BMP6: variants seen among roughly 807,000 people sequenced by gnomAD.
BMP6 encodes the protein bone morphogenetic protein 6, also known as VG-1-R.
A neutral mutation model predicts 54.1 loss-of-function variants in BMP6; 17 were observed. The ratio of observed to expected loss-of-function variants is 0.31; its 90% CI spans 0.22 to 0.47. BMP6 has a LOEUF of 0.47. Ranked by LOEUF, BMP6 falls within the 20% of genes least tolerant of loss-of-function variation. BMP6 has a pLI of 1.00. For missense variants in BMP6, 720 were observed against 690.4 expected, an observed-to-expected ratio of 1.04 and a Z score of -0.48; for synonymous variants, 328 against 291.2, an observed-to-expected ratio of 1.13 and a Z score of -1.28.
chr6:7,766,080 G>T (rs952019927), intron 1 of BMP6, among the ~76,000 whole-genome samples: 3 of 152,140 alleles, frequency 2.0e-5, no homozygotes, highest in Non-Finnish European at 4.4e-5. Flanking sequence ...TTTTTGAGCG[G>T]CAGGGAAATG....
chr6:7,728,159 G>A (rs192926731), intron 1 of BMP6, among the ~76,000 whole-genome samples: 1 of 151,942 alleles, frequency 6.6e-6, no homozygotes, highest in Non-Finnish European at 1.5e-5. Flanking sequence ...AGGTATCCAC[G>A]GCACTAGGGG....
intron 1 of BMP6, among the ~76,000 whole-genome samples, chr6:7,761,323 T>G (rs1265466120): frequency 1.3e-5 from 2 of 152,230 alleles, no homozygotes; most frequent in Non-Finnish European, 2.9e-5. Context: ...ACTTGGCTGG[T>G]TATGATAGTA....
At chr6:7,744,569 A>ATT (rs765273674) in intron 1 of BMP6, among the ~76,000 whole-genome samples, 12 of 152,164 alleles carry the variant, frequency 7.9e-5, no homozygotes, top group Non-Finnish European at 1.8e-4. Context: ...TTGAGGTAAA[A>ATT]TTTCTATACA....
chr6:7,875,494 A>T (rs760649106), intron 4 of BMP6, among the ~76,000 whole-genome samples: 1 of 152,160 alleles, frequency 6.6e-6, no homozygotes, highest in East Asian at 1.9e-4. Context: ...CCTCGGCAAC[A>T]TAGCAAGTCC....
At chr6:7,778,873 G>C (rs1757899444) in intron 1 of BMP6, among the ~76,000 whole-genome samples, 1 of 152,084 alleles carries the variant, frequency 6.6e-6, no homozygotes, top group Non-Finnish European at 1.5e-5. Context: ...TTCATCATTT[G>C]ATGTTTACTC....
intron 2 of BMP6, among the ~76,000 whole-genome samples, chr6:7,848,086 C>T (rs1236998733): frequency 6.6e-6 from 1 of 152,188 alleles, no homozygotes; most frequent in South Asian, 2.1e-4. Flanking sequence ...TGCTCTTGCT[C>T]ATTCTTGTGC....
chr6:7,795,602 C>T (rs1195962124), intron 1 of BMP6, among the ~76,000 whole-genome samples: 3 of 152,092 alleles, frequency 2.0e-5, no homozygotes, highest in Middle Eastern at 3.2e-3. Flanking sequence ...TGTGACCAGA[C>T]TTGTGTTTTT....
intron 2 of BMP6, among the ~76,000 whole-genome samples, chr6:7,853,824 C>T (rs550833568): frequency 1.3e-3 from 195 of 151,918 alleles, no homozygotes; most frequent in Non-Finnish European, 1.9e-3. Context: ...ACAAGTGACC[C>T]ATGGTTCAGG....
chr6:7,849,516 A>T (rs915442911), intron 2 of BMP6, among the ~76,000 whole-genome samples: 2 of 152,232 alleles, frequency 1.3e-5, no homozygotes, highest in African/African-American at 4.8e-5. Context: ...CACCTATGGT[A>T]GCATCATGAG....
rs574335328 is a variant in BMP6 at position 7,866,696 on chromosome 6, A to G, written c.1204+4198A>G. Reference sequence around the variant, plus strand: ...TTTGTTTTGATAGATGAGTTTGGAAACATTATCTGCACTTTAATGATCCAT... The same window carrying G: ...TTTGTTTTGATAGATGAGTTTGGAAGCATTATCTGCACTTTAATGATCCAT... On this transcript the variant is annotated intron_variant, in intron 4 of 6. Transcript: ENST00000283147. Among the ~76,000 whole-genome samples the G allele has an allele frequency of 2.0e-5, 3 of 152,268 alleles. No individual in the cohort carries two copies. In the South Asian group the frequency reaches 6.2e-4, roughly 32 times the overall value.
At chr6:7,818,070 T>A (rs1204363151) in intron 1 of BMP6, among the ~76,000 whole-genome samples, 1 of 152,172 alleles carries the variant, frequency 6.6e-6, no homozygotes, top group African/African-American at 2.4e-5. Context: ...ATAGACCAAA[T>A]CCATGGCTTA....
At chr6:7,837,453 T>C (rs1482818808) in intron 1 of BMP6, among the ~76,000 whole-genome samples, 1 of 152,146 alleles carries the variant, frequency 6.6e-6, no homozygotes, top group East Asian at 1.9e-4. Context: ...GATGAAATAA[T>C]GAGAGGATTC....
chr6:7,765,337 G>A lies in BMP6; in HGVS notation c.664+37718G>A, dbSNP rs1409742227. On this transcript the variant is annotated intron_variant, in intron 1 of 6. Transcript: ENST00000283147. ...TTTGCTGCCTCAGGATTGTAGGAGG[G>A]ACAATGTAATAATGTAATAATCTAA... Among the ~76,000 whole-genome samples, 6 of 152,190 alleles carry A rather than the reference G, an allele frequency of 3.9e-5. No individual in the cohort carries two copies. The East Asian group carries it at 9.6e-4, about 24-fold the overall frequency.
intron 1 of BMP6, among the ~76,000 whole-genome samples, chr6:7,748,822 C>T (rs1162536863): frequency 2.0e-5 from 3 of 152,188 alleles, no homozygotes; most frequent in African/African-American, 7.2e-5. Flanking sequence ...TTCCATAGTC[C>T]TCTAATGCTC....
At chr6:7,872,381 C>T (rs1759542866) in intron 4 of BMP6, among the ~76,000 whole-genome samples, 1 of 151,774 alleles carries the variant, frequency 6.6e-6, no homozygotes, top group African/African-American at 2.4e-5. Flanking sequence ...TTCCAAGGAG[C>T]ATCAACCTTC....
chr6:7,861,639 A>G (rs778777956), intron 3 of BMP6, 40 bp downstream of exon 3: 1 of 1,610,586 alleles, frequency 6.2e-7, no homozygotes, highest in South Asian at 1.1e-5. Context: ...CCAGCAAGTC[A>G]TCAGTTTCAC....
intron 4 of BMP6, among the ~76,000 whole-genome samples, chr6:7,875,265 C>T (rs1237149347): frequency 1.3e-5 from 2 of 152,150 alleles, no homozygotes; most frequent in African/African-American, 4.8e-5. Context: ...TCTCTCTGGG[C>T]CCTGAACCGA....
intron 1 of BMP6, among the ~76,000 whole-genome samples, chr6:7,824,601 T>C (rs1200858148): frequency 6.6e-6 from 1 of 152,238 alleles, no homozygotes; most frequent in African/African-American, 2.4e-5. Flanking sequence ...CATGTGCAAA[T>C]GTGAACTACA....
At chr6:7,748,770 A>G (rs898920701) in intron 1 of BMP6, among the ~76,000 whole-genome samples, 28 of 152,260 alleles carry the variant, frequency 1.8e-4, no homozygotes, top group African/African-American at 4.6e-4. Flanking sequence ...AATATTTCCA[A>G]TTCCTTAGTC....
Sources: gnomAD v4.1 joint callset for allele counts (sites outside exome capture counted in the v4.1 genomes callset) on GRCh38, gnomAD v4.1.1 for gene constraint, MANE v1.5 for transcripts, NCBI Gene and HGNC (gene_info 2026-07-23, HGNC 2026-07-21) for gene names.